The following PLCH1 variants were observed in gnomAD, a reference collection of about 807,000 sequenced individuals.
PLCH1 encodes 1-phosphatidylinositol 4,5-bisphosphate phosphodiesterase eta-1.
A neutral mutation model predicts 126.7 loss-of-function variants in PLCH1; 60 were observed. The observed-to-expected ratio is 0.47, with a 90% CI of 0.38 to 0.59. The LOEUF is 0.59. Ranked by LOEUF, PLCH1 falls within the 20% of genes least tolerant of loss-of-function variation. The pLI is 0.00. For missense variants in PLCH1, 1,723 were observed against 2,040.0 expected (o/e 0.84, Z 2.99); for synonymous variants, 719 against 734.9 (o/e 0.98, Z 0.35).
chr3:155,640,653 C>T (rs1739292918), intron 2 of PLCH1, among the ~76,000 whole-genome samples: 1 of 152,130 alleles, frequency 6.6e-6, no homozygotes. Flanking sequence ...TTCAAAAGGG[C>T]ATATTTTATG....
At chr3:155,643,351 A>C (rs1739627580) in intron 2 of PLCH1, among the ~76,000 whole-genome samples, 2 of 152,172 alleles carry the variant, frequency 1.3e-5, no homozygotes, top group Admixed American at 1.3e-4. Context: ...AGAAGAACTG[A>C]AGCCTCCTGC....
chr3:155,742,137 C>A (rs1749686557), intron 1 of PLCH1: 1 of 152,168 alleles, frequency 6.6e-6, no homozygotes, highest in Admixed American at 6.5e-5. Context: ...ACTCACAGCT[C>A]TTAGTTCATT....
rs184137077 is a variant in PLCH1 at position 155,482,516 on chromosome 3, G to C, written c.3510C>G (p.Ser1170=). Reference sequence around the variant, plus strand: ...TTAAAGTGACATTGTCAATAAGATGGGAAATTACACTCTCCTGCAGAATTG... The same window carrying C: ...TTAAAGTGACATTGTCAATAAGATGCGAAATTACACTCTCCTGCAGAATTG... ...STAILQESVI[S]HLIDNVTLTN... is the part of the protein sequence containing the mutation. Residue 1170 remains serine, a synonymous_variant, in exon 23 of 23, where the codon TCC becomes TCG. Transcript: ENST00000460012. The C allele has an allele frequency of 3.9e-5, 63 of 1,614,114 alleles. No homozygotes were observed. The African/African-American group carries it at 7.3e-4, about 19-fold the overall frequency.
At chr3:155,472,688 T>A (rs1713324901) in intron 21 of PLCH1, among the ~76,000 whole-genome samples, 1 of 151,064 alleles carries the variant, frequency 6.6e-6, no homozygotes, top group Non-Finnish European at 1.5e-5. Context: ...AATAAAATAC[T>A]GGCAAAACGA....
At chr3:155,578,317 A>G (rs959341670) in intron 6 of PLCH1, among the ~76,000 whole-genome samples, 1 of 152,276 alleles carries the variant, frequency 6.6e-6, no homozygotes, top group East Asian at 1.9e-4. Flanking sequence ...TAATTTTGAC[A>G]AAGCATTTTG....
intron 2 of PLCH1, among the ~76,000 whole-genome samples, chr3:155,682,366 C>T (rs1744605573): frequency 6.6e-6 from 1 of 152,128 alleles, no homozygotes; most frequent in Non-Finnish European, 1.5e-5. Context: ...AAAATTGCTG[C>T]AACTTTTATA....
intron 2 of PLCH1, among the ~76,000 whole-genome samples, chr3:155,605,153 G>T (rs1164588941): frequency 3.9e-5 from 6 of 152,096 alleles, no homozygotes; most frequent in Non-Finnish European, 8.8e-5. Context: ...CCCTGTAGAG[G>T]TACTCTCTCT....
intron 2 of PLCH1, among the ~76,000 whole-genome samples, chr3:155,691,587 A>C (rs1268855597): frequency 6.6e-6 from 1 of 152,206 alleles, no homozygotes; most frequent in Non-Finnish European, 1.5e-5. Flanking sequence ...AGATATCTAC[A>C]GGGACTGACA....
chr3:155,650,218 G>A (rs1740557576), intron 2 of PLCH1, among the ~76,000 whole-genome samples: 1 of 152,158 alleles, frequency 6.6e-6, no homozygotes, highest in Admixed American at 6.5e-5. Context: ...GATGTGATAG[G>A]TATAATCCTT....
At chr3:155,587,823 T>C (rs1731584473) in intron 4 of PLCH1, among the ~76,000 whole-genome samples, 1 of 152,204 alleles carries the variant, frequency 6.6e-6, no homozygotes, top group Non-Finnish European at 1.5e-5. Flanking sequence ...AAGGATTTTT[T>C]CAAATGGATG....
chr3:155,475,721 G>T (rs1640980859), downstream of PLCH1, among the ~76,000 whole-genome samples: 1 of 151,992 alleles, frequency 6.6e-6, no homozygotes, highest in South Asian at 2.1e-4. Context: ...AGAAGAAATT[G>T]ACAAATTTCT....
At chr3:155,511,339 CCTT>C (rs1236363756) in intron 12 of PLCH1, among the ~76,000 whole-genome samples, 3 of 132,726 alleles carry the variant, frequency 2.3e-5, no homozygotes, top group Admixed American at 7.2e-5. Flanking sequence ...TCGTCTGAAG[CCTT>C]CTTCTCTCAG....
chr3:155,566,168 TATACAC>T (rs1223186147), intron 7 of PLCH1, among the ~76,000 whole-genome samples: 6,726 of 77,906 alleles, frequency 0.086, 1,615 homozygotes, highest in Non-Finnish European at 0.14. Flanking sequence ...CACATACATA[TATACAC>T]ATATATACAC....
intron 2 of PLCH1, 40 bp from the exon 3 acceptor site, chr3:155,596,418 G>A (rs1443154619): frequency 1.3e-6 from 2 of 1,568,012 alleles, no homozygotes; most frequent in East Asian, 4.6e-5. Context: ...ATCACACAAT[G>A]CACAGGCATA....
intron 10 of PLCH1, among the ~76,000 whole-genome samples, chr3:155,526,997 C>A (rs1722039009): frequency 6.6e-6 from 1 of 152,156 alleles, no homozygotes; most frequent in Non-Finnish European, 1.5e-5. Flanking sequence ...GTCATGGGCC[C>A]TAAAGGTAGC....
intron 21 of PLCH1, among the ~76,000 whole-genome samples, chr3:155,458,497 A>AGAAAGAAC (rs1712568998): frequency 1.5e-5 from 1 of 68,314 alleles, no homozygotes; most frequent in East Asian, 4.9e-4. Context: ...AAAGAAAGAA[A>AGAAAGAAC]GAGAAAGAAG....
At chr3:155,589,337 T>C (rs1421467595) in intron 4 of PLCH1, among the ~76,000 whole-genome samples, 3 of 152,212 alleles carry the variant, frequency 2.0e-5, no homozygotes. Flanking sequence ...CCAATAAACC[T>C]TTATTGGAAT....
intron 2 of PLCH1, among the ~76,000 whole-genome samples, chr3:155,664,047 T>C (rs1742465679): frequency 6.6e-6 from 1 of 152,136 alleles, no homozygotes; most frequent in South Asian, 2.1e-4. Context: ...TGCTAACCGA[T>C]GAGTTGAATA....
intron 2 of PLCH1, among the ~76,000 whole-genome samples, chr3:155,656,657 T>C (rs1333071037): frequency 6.6e-6 from 1 of 152,186 alleles, no homozygotes; most frequent in Non-Finnish European, 1.5e-5. Context: ...TGTGAGTATG[T>C]GTGTGCCTGT....
Sources: gnomAD v4.1 joint callset for allele counts (sites outside exome capture counted in the v4.1 genomes callset) on GRCh38, gnomAD v4.1.1 for gene constraint, MANE v1.5 for transcripts, NCBI Gene and HGNC (gene_info 2026-07-23, HGNC 2026-07-21) for gene names.